Variants in SEC61G observed in about 807,000 individuals in gnomAD.
SEC61G encodes the protein SEC61 translocon subunit gamma, also known as protein transport protein Sec61 subunit gamma.
SEC61G carries 4 observed loss-of-function variants against 7.5 expected under a neutral mutation model. The ratio of observed to expected loss-of-function variants is 0.54; its 90% CI spans 0.26 to 1.22. SEC61G has a LOEUF of 1.22. Among genes scored for constraint, SEC61G ranks in the 50% most tolerant of loss-of-function variants. The pLI, the probability that SEC61G is intolerant of heterozygous loss-of-function variation, is 0.12. For missense variants in SEC61G, 53 were observed against 84.6 expected (o/e 0.63, Z 1.46); for synonymous variants, 24 against 24.4 (o/e 0.98, Z 0.05).
chr7:54,755,744 A>G (rs372215098), intron 3 of SEC61G, 35 bp downstream of exon 3: 419 of 1,221,126 alleles, frequency 3.4e-4, no homozygotes, highest in Non-Finnish European at 4.6e-4. Context: ...TTTGAGTTTC[A>G]TTCAATCCTA....
At position 54,755,825 on chromosome 7, in the gene SEC61G, C is replaced by T. The variant is rs1791502855; in HGVS notation, c.151G>A (p.Gly51Ser). The change falls in exon 3 of 4, where the codon GGC (glycine) becomes AGC (serine). Residue 51 changes from glycine (G) to serine (S), a missense_variant. Physicochemically the swap from Gly to Ser is moderately conservative, Grantham distance 56. Coordinates refer to ENST00000352861, the MANE Select transcript of SEC61G (RefSeq NM_014302.4). ...AIGFAIMGFI[G>S]FFVKLIHIPI... ...ATATGGATCAATTTCACAAAGAAGC[C>T]AATGAATCCCATTATAGCAAATCCT... 1 of 1,588,166 alleles carries T rather than the reference C, an allele frequency of 6.3e-7. No homozygotes were observed.
chr7:54,759,194 G>A lies in SEC61G; in HGVS notation c.-43C>T, dbSNP rs762907152. 3 of 518,966 alleles carry A rather than the reference G, an allele frequency of 5.8e-6. No individual in the cohort carries two copies. Among genetic ancestry groups the A allele is most frequent in the South Asian group, 2.8e-5 (2 of 71,598 alleles). The allele number at this position is 518,966 out of a possible 1,614,324, so 32.1% of individuals were successfully genotyped here. On this transcript the variant is annotated 5_prime_UTR_variant, in exon 1 of 4. Coordinates refer to ENST00000352861, the MANE Select transcript of SEC61G (RefSeq NM_014302.4). ...ACACCTAAAATGCCAGGGACACGTA[G>A]CACTGGAGCTTGCTGATGGAGGCCC... is the stretch of plus-strand genomic sequence containing the variant.
At chr7:54,758,972 C>G (rs1791579241) in intron 1 of SEC61G, 186 bp downstream of exon 1, 2 of 314,478 alleles carry the variant, frequency 6.4e-6, no homozygotes, top group Non-Finnish European at 1.3e-5. Flanking sequence ...GTCTGCCTTC[C>G]GCCAGAGGCC....
At chr7:54,757,455 T>C in intron 2 of SEC61G, 40 bp downstream of exon 2, 1 of 1,511,534 alleles carries the variant, frequency 6.6e-7, no homozygotes, top group Non-Finnish European at 9.2e-7. Context: ...GCTTAGAAAA[T>C]GCAAAGATTT....
intron 1 of SEC61G, among the ~76,000 whole-genome samples, chr7:54,757,993 G>A (rs1224747827): frequency 6.6e-6 from 1 of 152,176 alleles, no homozygotes; most frequent in African/African-American, 2.4e-5. Flanking sequence ...CATCAGTGTT[G>A]AGATCCAACA....
chr7:54,755,647 G>A (rs755041007), intron 3 of SEC61G, 132 bp downstream of exon 3: 6 of 449,700 alleles, frequency 1.3e-5, no homozygotes, highest in African/African-American at 2.0e-5. Flanking sequence ...TCAGGTACTC[G>A]TAAATATCAG....
intron 1 of SEC61G, among the ~76,000 whole-genome samples, chr7:54,757,877 A>T (rs1791551496): frequency 6.6e-6 from 1 of 152,244 alleles, no homozygotes; most frequent in African/African-American, 2.4e-5. Context: ...TATCTCTATT[A>T]AAAGGTTAAA....
chr7:54,753,300 A>G (rs1284940156), intron 3 of SEC61G, among the ~76,000 whole-genome samples: 1 of 152,164 alleles, frequency 6.6e-6, no homozygotes, highest in Non-Finnish European at 1.5e-5. Flanking sequence ...CTCAAAAAAA[A>G]GAGAAAATTA....
intron 3 of SEC61G, among the ~76,000 whole-genome samples, chr7:54,753,699 G>C (rs1791455629): frequency 6.6e-6 from 1 of 152,156 alleles, no homozygotes; most frequent in Admixed American, 6.5e-5. Flanking sequence ...TCTAAAGATA[G>C]ATTTTTTAAC....
At chr7:54,752,518 G>A (rs988902831) in intron 3 of SEC61G, 98 bp from the exon 4 acceptor site, 3 of 651,524 alleles carry the variant, frequency 4.6e-6, no homozygotes, top group Admixed American at 6.9e-5. Context: ...AACGGCTCAA[G>A]ACCAATTATG....
chr7:54,757,402 A>T (rs532191921), intron 2 of SEC61G, 93 bp downstream of exon 2: 3 of 976,880 alleles, frequency 3.1e-6, no homozygotes, highest in African/African-American at 3.2e-5. Flanking sequence ...TGTTGATCAA[A>T]GTAATGCAAG....
chr7:54,755,901 A>T lies in SEC61G; in HGVS notation c.95-20T>A. The T allele has an allele frequency of 1.3e-6, 2 of 1,502,994 alleles. No homozygotes were observed. Among genetic ancestry groups the T allele is most frequent in the Non-Finnish European group, 1.8e-6 (2 of 1,098,590 alleles). The allele number at this position is 1,502,994 out of a possible 1,614,324, so 93.1% of individuals were successfully genotyped here. A position where few individuals can be genotyped will look rare whatever the true frequency, so the allele number is the denominator to read the frequency against. On this transcript the variant is annotated intron_variant, in intron 2 of 3. Transcript: ENST00000352861. Reference sequence around the variant, plus strand: ...GGAATTCTGCATTTAAAAACAGGAAATTCACATATTTTTTGCACTGTCACT... The same window carrying T: ...GGAATTCTGCATTTAAAAACAGGAATTTCACATATTTTTTGCACTGTCACT...
chr7:54,757,391 ATGT>A, intron 2 of SEC61G, 101 bp downstream of exon 2: 1 of 894,978 alleles, frequency 1.1e-6, no homozygotes. Context: ...ATCAATAAAA[ATGT>A]TGATCAAAGT....
chr7:54,753,888 C>T (rs7782367), intron 3 of SEC61G, among the ~76,000 whole-genome samples: 24,110 of 152,084 alleles, frequency 0.16, 2,309 homozygotes, highest in South Asian at 0.27. Context: ...ATGGAAAGTT[C>T]TCAATGAATG....
In SEC61G at chr7:54,752,343, G is replaced by A. The variant is rs1015570846; in HGVS notation, c.*68C>T. On this transcript the variant is annotated 3_prime_UTR_variant, in exon 4 of 4. Transcript: ENST00000352861. ...AAACATACAGGCAAATTTGTATTCT[G>A]TGAGTTTCTCACACCCTCACACTTG... The A allele has an allele frequency of 7.4e-6, 8 of 1,077,600 alleles. No individual in the cohort carries two copies. The highest frequency in any genetic ancestry group is 9.3e-6 in the Non-Finnish European group (7 of 756,022). 66.8% of individuals were successfully genotyped at this position (1,077,600 alleles called of 1,614,324 possible).
At chr7:54,753,485 A>G (rs1200162612) in intron 3 of SEC61G, among the ~76,000 whole-genome samples, 1 of 152,208 alleles carries the variant, frequency 6.6e-6, no homozygotes, top group Non-Finnish European at 1.5e-5. Flanking sequence ...AATCTTAAGA[A>G]AAAACTGATA....
rs773804204 is a variant in SEC61G at position 54,759,172 on chromosome 7, C to T, written c.-21G>A. On this transcript the variant is annotated 5_prime_UTR_variant, in exon 1 of 4. It adds an upstream start codon to the 5' untranslated region. Transcript: ENST00000352861. ...AAGAAACTCACCTACCCAACCGACA[C>T]CTAAAATGCCAGGGACACGTAGCAC... The T allele has an allele frequency of 9.6e-6, 5 of 518,912 alleles. No individual in the cohort carries two copies. Among genetic ancestry groups the T allele is most frequent in the African/African-American group, 5.8e-5 (3 of 51,978 alleles). The allele number at this position is 518,912 out of a possible 1,614,324, so 32.1% of individuals were successfully genotyped here.
In SEC61G at chr7:54,759,161, CCCAA is replaced by C; in HGVS notation, c.-14_-11del. On this transcript the variant is annotated 5_prime_UTR_variant, in exon 1 of 4. Coordinates refer to ENST00000352861, the MANE Select transcript of SEC61G (RefSeq NM_014302.4). ...CGACCGGTGGGAAGAAACTCACCTA[CCCAA>C]CCGACACCTAAAATGCCAGGGACAC... is the stretch of plus-strand genomic sequence containing the variant. 1 of 518,974 alleles carries C rather than the reference CCCAA, an allele frequency of 1.9e-6. No homozygotes were observed. Among genetic ancestry groups the C allele is most frequent in the South Asian group, 1.4e-5 (1 of 71,576 alleles). The allele number at this position is 518,974 out of a possible 1,614,324, so 32.1% of individuals were successfully genotyped here. A position where few individuals can be genotyped will look rare whatever the true frequency, so the allele number is the denominator to read the frequency against.
Position 54,752,275 on chromosome 7 carries a change from TTAGAAA to T in SEC61G, c.*130_*135del, listed in dbSNP as rs1446423404. 4 of 518,566 alleles carry T rather than the reference TTAGAAA, an allele frequency of 7.7e-6. No individual in the cohort carries two copies. The highest frequency in any genetic ancestry group is 1.4e-5 in the Non-Finnish European group (4 of 289,540). The allele number at this position is 518,566 out of a possible 1,614,324, so 32.1% of individuals were successfully genotyped here. ...TCATTTACTTTGAAATTACTTTAAT[TTAGAAA>T]TAGAAAACATCTTGAAAGGAAAAAA... is the stretch of plus-strand genomic sequence containing the variant. On this transcript the variant is annotated 3_prime_UTR_variant, in exon 4 of 4. Transcript: ENST00000352861.
Sources: allele counts gnomAD v4.1 joint callset (sites outside exome capture counted in the v4.1 genomes callset), GRCh38; gene constraint gnomAD v4.1.1; transcripts MANE v1.5; gene names NCBI Gene and HGNC (gene_info 2026-07-23, HGNC 2026-07-21).